The following NUGGC variants were observed in gnomAD, a reference collection of about 807,000 sequenced individuals.
NUGGC encodes the protein nuclear GTPase SLIP-GC.
NUGGC carries 58 observed loss-of-function variants against 92.6 expected under a neutral mutation model. That is an observed-to-expected ratio of 0.63 (90% CI 0.51 to 0.78). NUGGC has a LOEUF of 0.78. NUGGC is among the 30% of genes least tolerant of loss of function. The pLI is 0.00. For synonymous variants in NUGGC, 376 were observed against 366.4 expected (o/e 1.03, Z -0.30); for missense variants, 925 against 964.6 (o/e 0.96, Z 0.54).
Position 28,037,768 on chromosome 8 carries a change from G to A in NUGGC, c.1611+3283C>T, listed in dbSNP as rs574760269. ...AGTTCACTCTTCGGAAAGCAGGCCC[G>A]GAAATGGCTATCCCCCTGTTCCTCT... On this transcript the variant is annotated intron_variant, in intron 13 of 18. Coordinates refer to ENST00000413272, the MANE Select transcript of NUGGC (RefSeq NM_001010906.2). Among the ~76,000 whole-genome samples the A allele has an allele frequency of 2.9e-4, 44 of 152,294 alleles. No homozygotes were observed. The South Asian group carries it at 5.0e-3, about 17-fold the overall frequency.
intron 10 of NUGGC, among the ~76,000 whole-genome samples, chr8:28,051,255 T>C (rs1809994054): frequency 6.6e-6 from 1 of 152,236 alleles, no homozygotes; most frequent in African/African-American, 2.4e-5. Flanking sequence ...GCAAGAATGT[T>C]TTTTAAATGC....
chr8:28,078,546 T>C (rs1294283063), intron 1 of NUGGC, among the ~76,000 whole-genome samples: 2 of 152,204 alleles, frequency 1.3e-5, no homozygotes, highest in African/African-American at 4.8e-5. Context: ...CAAGTCGTTT[T>C]ATCACCCTGG....
At chr8:28,062,863 G>T (rs907418042) in intron 7 of NUGGC, among the ~76,000 whole-genome samples, 1 of 152,168 alleles carries the variant, frequency 6.6e-6, no homozygotes, top group African/African-American at 2.4e-5. Flanking sequence ...CCCACACAAA[G>T]CTCCCACTGC....
chr8:28,081,949 A>G (rs998111417), intron 1 of NUGGC, among the ~76,000 whole-genome samples: 3 of 152,066 alleles, frequency 2.0e-5, no homozygotes, highest in Admixed American at 2.0e-4. Context: ...AGAATGAAAG[A>G]AGGAAGAGGA....
At chr8:28,049,405 A>C (rs1809931065) in intron 10 of NUGGC, among the ~76,000 whole-genome samples, 1 of 152,268 alleles carries the variant, frequency 6.6e-6, no homozygotes, top group Non-Finnish European at 1.5e-5. Context: ...TAGAGTTTTA[A>C]AACAGTTCCA....
At chr8:28,066,044 C>T (rs1460671596) in intron 6 of NUGGC, among the ~76,000 whole-genome samples, 1 of 152,068 alleles carries the variant, frequency 6.6e-6, no homozygotes, top group Non-Finnish European at 1.5e-5. Context: ...ATTTGTAAGC[C>T]CACTCATCGA....
intron 17 of NUGGC, 82 bp from the exon 18 acceptor site, chr8:28,027,134 C>G (rs992218484): frequency 3.3e-5 from 37 of 1,132,278 alleles, no homozygotes; most frequent in South Asian, 3.7e-5. Context: ...CCACCCAGTC[C>G]CCCAGCCACG....
chr8:28,077,424 G>A (rs962856002), intron 1 of NUGGC, among the ~76,000 whole-genome samples: 11 of 151,818 alleles, frequency 7.2e-5, no homozygotes, highest in South Asian at 2.1e-4. Flanking sequence ...GAAAGTAGCC[G>A]GTTGTGGTGA....
chr8:28,077,504 T>C (rs1456250523), intron 1 of NUGGC, among the ~76,000 whole-genome samples: 1 of 151,906 alleles, frequency 6.6e-6, no homozygotes, highest in South Asian at 2.1e-4. Context: ...GAGTTCAAGG[T>C]TGCAGTGAGC....
Position 28,070,288 on chromosome 8 carries a change from C to A in NUGGC, c.112G>T (p.Ala38Ser), listed in dbSNP as rs748767909. 6.4e-7 allele frequency: 1 copy of A among 1,554,920 alleles called. No individual in the cohort carries two copies. The highest frequency in any genetic ancestry group is 8.7e-7 in the Non-Finnish European group (1 of 1,147,842). Reference protein sequence around the residue: ...RKSDRDQRFRAFPSMEQSALK... With the variant: ...RKSDRDQRFRSFPSMEQSALK... ...GCACTCTGCTCCATGGAGGGAAATG[C>A]TCGGAACCGCTGGTCTCGATCTGAT... The change falls in exon 3 of 19, where the codon GCA (alanine) becomes TCA (serine). Residue 38 changes from alanine to serine, a missense_variant. By Grantham distance (99) the Ala-to-Ser change is moderately conservative. Coordinates refer to ENST00000413272, the MANE Select transcript of NUGGC (RefSeq NM_001010906.2).
At position 28,023,267 on chromosome 8, in the gene NUGGC, T is replaced by C. The variant is rs758429745; in HGVS notation, c.*50A>G. The C allele has an allele frequency of 1.9e-6, 3 of 1,568,598 alleles. No homozygotes were observed. Among genetic ancestry groups the C allele is most frequent in the South Asian group, 1.2e-5 (1 of 85,342 alleles). ...TTAAGAACAAAAAAAGTAATTCTAA[T>C]TCTCTGGCTCTGGGCTGATTTTTCA... is the stretch of plus-strand genomic sequence containing the variant. On this transcript the variant is annotated 3_prime_UTR_variant, in exon 19 of 19. Coordinates refer to ENST00000413272, the MANE Select transcript of NUGGC (RefSeq NM_001010906.2).
intron 18 of NUGGC, among the ~76,000 whole-genome samples, 172 bp downstream of exon 18, chr8:28,026,789 AT>A (rs1809273578): frequency 6.6e-6 from 1 of 152,018 alleles, no homozygotes; most frequent in Non-Finnish European, 1.5e-5. Context: ...CATCATCATC[AT>A]CATCACCATC....
At chr8:28,050,989 C>CT (rs1554487373) in intron 10 of NUGGC, among the ~76,000 whole-genome samples, 8 of 152,012 alleles carry the variant, frequency 5.3e-5, no homozygotes, top group Non-Finnish European at 1.2e-4. Context: ...CCCTAGCACT[C>CT]TTTTTTTGCT....
At chr8:28,081,262 T>C (rs972975308) in intron 1 of NUGGC, among the ~76,000 whole-genome samples, 2 of 152,178 alleles carry the variant, frequency 1.3e-5, no homozygotes, top group Non-Finnish European at 2.9e-5. Flanking sequence ...GAGGTTGCAG[T>C]GAGTTGAGAT....
Position 28,064,582 on chromosome 8 carries a change from C to G in NUGGC, c.861G>C (p.Val287=). The stretch of plus-strand genomic sequence containing the variant: ...CGCCTGTGCCTGGGATGTCCACCAG[C>G]ACGACCCCTTCTGGGATCAGGTCGG... ...PKSDLIPEGV[V]LVDIPGTGDF... The change falls in exon 7 of 19, where the codon GTG becomes GTC. Residue 287 remains valine (V), a synonymous_variant. Transcript: ENST00000413272. The G allele has an allele frequency of 6.2e-7, 1 of 1,614,080 alleles. No individual in the cohort carries two copies. The highest frequency in any genetic ancestry group is 8.5e-7 in the Non-Finnish European group (1 of 1,179,912).
At chr8:28,081,278 C>T (rs1810843392) in intron 1 of NUGGC, among the ~76,000 whole-genome samples, 1 of 152,134 alleles carries the variant, frequency 6.6e-6, no homozygotes, top group East Asian at 1.9e-4. Flanking sequence ...GAGATCGCAC[C>T]ACTGCACTCC....
chr8:28,029,968 G>A (rs974089702), intron 16 of NUGGC, among the ~76,000 whole-genome samples: 1 of 152,160 alleles, frequency 6.6e-6, no homozygotes, highest in African/African-American at 2.4e-5. Context: ...AAACAGGAAA[G>A]AGCCTGAAAA....
chr8:28,030,154 C>G (rs1342604060), intron 16 of NUGGC, among the ~76,000 whole-genome samples, 156 bp downstream of exon 16: 2 of 152,128 alleles, frequency 1.3e-5, no homozygotes, highest in African/African-American at 2.4e-5. Flanking sequence ...GTCCTCACAC[C>G]CTGCAGTCAT....
chr8:28,047,315 A>C (rs955057060), intron 11 of NUGGC, among the ~76,000 whole-genome samples, 192 bp downstream of exon 11: 3 of 152,160 alleles, frequency 2.0e-5, no homozygotes, highest in Non-Finnish European at 2.9e-5. Flanking sequence ...ATTTGGAGGC[A>C]AGAGGAACTG....
Sources: allele counts gnomAD v4.1 joint callset (sites outside exome capture counted in the v4.1 genomes callset), GRCh38; gene constraint gnomAD v4.1.1; transcripts MANE v1.5; gene names NCBI Gene and HGNC (gene_info 2026-07-23, HGNC 2026-07-21).